ZC2HC1C: variants seen among roughly 807,000 people sequenced by gnomAD.
ZC2HC1C encodes the protein zinc finger C2HC domain-containing protein 1C.
ZC2HC1C carries 25 observed loss-of-function variants against 39.2 expected under a neutral mutation model. The ratio of observed to expected loss-of-function variants is 0.64; its 90% CI spans 0.47 to 0.89. The LOEUF (loss-of-function observed/expected upper bound fraction) is 0.89, where lower values mean the gene tolerates loss of function less well. ZC2HC1C is among the 40% of genes least tolerant of loss of function. The pLI is 0.00. For missense variants in ZC2HC1C, 519 were observed against 548.6 expected, an observed-to-expected ratio of 0.95 and a Z score of 0.54; for synonymous variants, 209 against 214.4, an observed-to-expected ratio of 0.97 and a Z score of 0.22.
intron 2 of ZC2HC1C, among the ~76,000 whole-genome samples, chr14:75,077,119 G>A (rs1276815370): frequency 1.3e-5 from 2 of 152,182 alleles, no homozygotes; most frequent in African/African-American, 2.4e-5. Context: ...CCAGTTCCAC[G>A]TGTCTAGATT....
Position 75,079,215 on chromosome 14 carries a change from C to CAAAAAAAAAAAAAAAAAAAAAAAAAAAAA in ZC2HC1C, c.*1671_*1672insAAAAAAAAAAAAAAAAAAAAAAAAAAAAA, listed in dbSNP as rs66560922. ...CTGGTGACCTAGTGAGACTCCATCT[C>CAAAAAAAAAAAAAAAAAAAAAAAAAAAAA]AAAAAAAAAAAAAAAAAAAAGAAAA... is the stretch of plus-strand genomic sequence containing the variant. On this transcript the variant is annotated 3_prime_UTR_variant, in exon 3 of 3. Coordinates refer to ENST00000524913, the MANE Select transcript of ZC2HC1C (RefSeq NM_024643.4). 1.2e-5 allele frequency: 1 copy of CAAAAAAAAAAAAAAAAAAAAAAAAAAAAA among 85,250 alleles called. No homozygotes were observed. The highest frequency in any genetic ancestry group is 2.3e-5 in the Non-Finnish European group (1 of 43,600). 5.3% of individuals were successfully genotyped at this position (85,250 alleles called of 1,614,324 possible). A position where few individuals can be genotyped will look rare whatever the true frequency, so the allele number is the denominator to read the frequency against.
rs749730353 is a variant in ZC2HC1C at position 75,071,496 on chromosome 14, G to A, written c.923G>A (p.Arg308Gln). ...AGGAGAGAGGATGAAACTTGGGGACGGTCTCAACAAAATTCAGGTCCATTC... is the reference window on the plus strand; with the variant it reads ...AGGAGAGAGGATGAAACTTGGGGACAGTCTCAACAAAATTCAGGTCCATTC... ...RDRREDETWG[R>Q]SQQNSGPFQF... The change falls in exon 2 of 3, where the codon CGG becomes CAG. Residue 308 changes from arginine (R) to glutamine (Q), a missense_variant. Coordinates refer to ENST00000524913, the MANE Select transcript of ZC2HC1C (RefSeq NM_024643.4). 14 of 1,613,934 alleles carry A rather than the reference G, an allele frequency of 8.7e-6. No homozygotes were observed. Among genetic ancestry groups the A allele is most frequent in the African/African-American group, 6.7e-5 (5 of 74,902 alleles).
Position 75,069,649 on chromosome 14 carries a change from G to A in ZC2HC1C, c.-120G>A. 4.9e-6 allele frequency: 1 copy of A among 202,102 alleles called. No individual in the cohort carries two copies. The allele number at this position is 202,102 out of a possible 1,614,324, so 12.5% of individuals were successfully genotyped here. ...CAGGCACCGGGAATAACAGAAGCCAGCTGAGAGCGCCTGCGCGGCTGTCGG... is the reference window on the plus strand; with the variant it reads ...CAGGCACCGGGAATAACAGAAGCCAACTGAGAGCGCCTGCGCGGCTGTCGG... On this transcript the variant is annotated 5_prime_UTR_variant, in exon 1 of 3. Coordinates refer to ENST00000524913, the MANE Select transcript of ZC2HC1C (RefSeq NM_024643.4).
chr14:75,073,464 G>T, intron 2 of ZC2HC1C: 1 of 631,802 alleles, frequency 1.6e-6, no homozygotes, highest in Non-Finnish European at 2.5e-6. Flanking sequence ...CAGCTTTATG[G>T]CAACTAGTTT....
chr14:75,077,819 G>T lies in ZC2HC1C; in HGVS notation c.*255G>T, dbSNP rs902814813. On this transcript the variant is annotated 3_prime_UTR_variant, in exon 3 of 3. Transcript: ENST00000524913. ...GAGCAGACAACAATGGAAACTTTTG[G>T]ATAGTTCAGAAAGCTCTGCTTCTCT... The T allele has an allele frequency of 4.0e-6, 2 of 501,278 alleles. No homozygotes were observed. Among genetic ancestry groups the T allele is most frequent in the African/African-American group, 3.9e-5 (2 of 51,542 alleles). The allele number at this position is 501,278 out of a possible 1,614,324, so 31.1% of individuals were successfully genotyped here.
At position 75,071,482 on chromosome 14, in the gene ZC2HC1C, T is replaced by G; in HGVS notation, c.909T>G (p.Asp303Glu). The stretch of plus-strand genomic sequence containing the variant: ...AATTTAGTAGAGACAGGAGAGAGGA[T>G]GAAACTTGGGGACGGTCTCAACAAA... Reference protein sequence around the residue: ...EEEFSRDRREDETWGRSQQNS... With the variant: ...EEEFSRDRREEETWGRSQQNS... Residue 303 changes from aspartate (D) to glutamate (E), a missense_variant, in exon 2 of 3, where the codon GAT becomes GAG. By Grantham distance (45) the Asp-to-Glu change is conservative (BLOSUM62 2). Coordinates refer to ENST00000524913, the MANE Select transcript of ZC2HC1C (RefSeq NM_024643.4). 1 of 1,614,162 alleles carries G rather than the reference T, an allele frequency of 6.2e-7. No individual in the cohort carries two copies. Among genetic ancestry groups the G allele is most frequent in the Admixed American group, 1.7e-5 (1 of 60,012 alleles).
At chr14:75,076,873 TA>T in intron 2 of ZC2HC1C, among the ~76,000 whole-genome samples, 1 of 152,316 alleles carries the variant, frequency 6.6e-6, no homozygotes, top group Non-Finnish European at 1.5e-5. Flanking sequence ...GCTCATTGAC[TA>T]AGGATCTTCA....
rs1893815877 is a variant in ZC2HC1C at position 75,079,812 on chromosome 14, T to C, written c.*2248T>C. On this transcript the variant is annotated 3_prime_UTR_variant, in exon 3 of 3. Transcript: ENST00000524913. The stretch of plus-strand genomic sequence containing the variant: ...TCTCACTTGGCCTGCTTCACTTCTT[T>C]ACCTTATCTGCCTGGTACCACAGGC... The C allele has an allele frequency of 1.3e-5, 2 of 152,216 alleles. 1 individual carries two copies. Among genetic ancestry groups the C allele is most frequent in the South Asian group, 4.1e-4 (2 of 4,830 alleles). 9.4% of individuals were successfully genotyped at this position (152,216 alleles called of 1,614,324 possible).
chr14:75,071,044 T>C lies in ZC2HC1C; in HGVS notation c.471T>C (p.Thr157=). ...CGTGCAGTACAGGTGAGGCTGGCAC[T>C]GATGGGGACCATAATGTCTACCCAA... is the stretch of plus-strand genomic sequence containing the variant. ...RKSCSTGEAG[T]DGDHNVYPRP... The change falls in exon 2 of 3, where the codon ACT becomes ACC. Residue 157 remains threonine (T), a synonymous_variant. Coordinates refer to ENST00000524913, the MANE Select transcript of ZC2HC1C (RefSeq NM_024643.4). 1 of 1,614,214 alleles carries C rather than the reference T, an allele frequency of 6.2e-7. No homozygotes were observed. The highest frequency in any genetic ancestry group is 8.5e-7 in the Non-Finnish European group (1 of 1,180,038).
At position 75,077,657 on chromosome 14, in the gene ZC2HC1C, C is replaced by T. The variant is rs1240545346; in HGVS notation, c.*93C>T. 1 of 1,516,376 alleles carries T rather than the reference C, an allele frequency of 6.6e-7. No homozygotes were observed. Among genetic ancestry groups the T allele is most frequent in the East Asian group, 2.3e-5 (1 of 43,996 alleles). The allele number at this position is 1,516,376 out of a possible 1,614,324, so 93.9% of individuals were successfully genotyped here. A position where few individuals can be genotyped will look rare whatever the true frequency, so the allele number is the denominator to read the frequency against. The stretch of plus-strand genomic sequence containing the variant: ...GAAACTGTTCACACTTGCCTCCCAT[C>T]CTGCCTGCAGAAAACCCAGACTGCA... On this transcript the variant is annotated 3_prime_UTR_variant, in exon 3 of 3. Transcript: ENST00000524913.
At position 75,071,133 on chromosome 14, in the gene ZC2HC1C, C is replaced by T. The variant is rs200500174; in HGVS notation, c.560C>T (p.Ser187Phe). 4.3e-6 allele frequency: 7 copies of T among 1,614,064 alleles called. No individual in the cohort carries two copies. In the African/African-American group the frequency reaches 9.3e-5, roughly 22 times the overall value. The change falls in exon 2 of 3, where the codon TCT becomes TTT. Residue 187 changes from serine to phenylalanine, a missense_variant. By Grantham distance (155) the Ser-to-Phe change is radical (BLOSUM62 -2). Coordinates refer to ENST00000524913, the MANE Select transcript of ZC2HC1C (RefSeq NM_024643.4). ...NFGVRNQGNF[S>F]VVGTVLAATQ... ...GGTGTGAGGAACCAGGGCAACTTTT[C>T]TGTGGTTGGTACTGTTCTTGCTGCC...
chr14:75,072,217 A>T (rs941666678), intron 2 of ZC2HC1C, among the ~76,000 whole-genome samples: 1 of 152,236 alleles, frequency 6.6e-6, no homozygotes. Context: ...TGACTAAAAA[A>T]TCTAGACATA....
Position 75,073,605 on chromosome 14 carries a change from C to T in ZC2HC1C, c.1338+1694C>T, listed in dbSNP as rs147726572. ...TTTGGAAGCTGAGTGGTTGTACCTTCCTGTCATTCCTCTAGAGTACTCAAG... is the reference window on the plus strand; with the variant it reads ...TTTGGAAGCTGAGTGGTTGTACCTTTCTGTCATTCCTCTAGAGTACTCAAG... On this transcript the variant is annotated intron_variant, in intron 2 of 2. Coordinates refer to ENST00000524913, the MANE Select transcript of ZC2HC1C (RefSeq NM_024643.4). 7.2e-4 allele frequency: 922 copies of T among 1,289,316 alleles called. 1 individual carries two copies. Among genetic ancestry groups the T allele is most frequent in the Non-Finnish European group, 8.5e-4 (845 of 988,844 alleles). The allele number at this position is 1,289,316 out of a possible 1,614,324, so 79.9% of individuals were successfully genotyped here. A position where few individuals can be genotyped will look rare whatever the true frequency, so the allele number is the denominator to read the frequency against.
At chr14:75,073,491 T>A in intron 2 of ZC2HC1C, 2 of 955,786 alleles carry the variant, frequency 2.1e-6, no homozygotes, top group Non-Finnish European at 2.9e-6. Context: ...ATGTGTGACA[T>A]TGAGGACACC....
chr14:75,078,455 A>G lies in ZC2HC1C; in HGVS notation c.*891A>G, dbSNP rs1437610976. Reference sequence around the variant, plus strand: ...AGGGTAGGGATGGGTGTTGGGGGGGAAACACATTATACTTCTCTCTACTTG... The same window carrying G: ...AGGGTAGGGATGGGTGTTGGGGGGGGAACACATTATACTTCTCTCTACTTG... On this transcript the variant is annotated 3_prime_UTR_variant, in exon 3 of 3. Coordinates refer to ENST00000524913, the MANE Select transcript of ZC2HC1C (RefSeq NM_024643.4). The G allele has an allele frequency of 6.6e-6, 1 of 152,050 alleles. No individual in the cohort carries two copies. Among genetic ancestry groups the G allele is most frequent in the Non-Finnish European group, 1.5e-5 (1 of 68,002 alleles). The allele number at this position is 152,050 out of a possible 1,614,324, so 9.4% of individuals were successfully genotyped here.
At chr14:75,072,243 G>T (rs1297057302) in intron 2 of ZC2HC1C, among the ~76,000 whole-genome samples, 1 of 152,026 alleles carries the variant, frequency 6.6e-6, no homozygotes, top group Non-Finnish European at 1.5e-5. Context: ...TGTGTCCTTT[G>T]GATTATAAAA....
Position 75,070,812 on chromosome 14 carries a change from C to T in ZC2HC1C, c.239C>T (p.Ala80Val). ...THPKWNTQTK[A>V]RSYSYPHCTG... Reference sequence around the variant, plus strand: ...CCCAAATGGAACACCCAAACAAAAGCCCGGAGCTACTCCTATCCCCACTGT... The same window carrying T: ...CCCAAATGGAACACCCAAACAAAAGTCCGGAGCTACTCCTATCCCCACTGT... Residue 80 changes from alanine to valine, a missense_variant, in exon 2 of 3, where the codon GCC (alanine) becomes GTC (valine). Physicochemically the swap from Ala to Val is moderately conservative, Grantham distance 64. Coordinates refer to ENST00000524913, the MANE Select transcript of ZC2HC1C (RefSeq NM_024643.4). The T allele has an allele frequency of 1.2e-6, 2 of 1,614,202 alleles. No individual in the cohort carries two copies. The highest frequency in any genetic ancestry group is 1.7e-6 in the Non-Finnish European group (2 of 1,180,032).
chr14:75,074,462 C>T (rs1018088062), intron 2 of ZC2HC1C, among the ~76,000 whole-genome samples: 1 of 152,202 alleles, frequency 6.6e-6, no homozygotes, highest in East Asian at 1.9e-4. Flanking sequence ...ATTCAGCCCC[C>T]GGAGGCAGCC....
At chr14:75,077,291 A>G (rs1170438435) in intron 2 of ZC2HC1C, among the ~76,000 whole-genome samples, 1 of 152,132 alleles carries the variant, frequency 6.6e-6, no homozygotes, top group Non-Finnish European at 1.5e-5. Flanking sequence ...ACTATCGGGT[A>G]CTTCCAAGCA....
Sources: gnomAD v4.1 joint callset for allele counts (sites outside exome capture counted in the v4.1 genomes callset) on GRCh38, gnomAD v4.1.1 for gene constraint, MANE v1.5 for transcripts, NCBI Gene and HGNC (gene_info 2026-07-23, HGNC 2026-07-21) for gene names.